The following APBA2 variants were observed in gnomAD, a reference collection of about 807,000 sequenced individuals.
APBA2 encodes amyloid beta precursor protein binding family A member 2.
Under a neutral mutation model 75.0 loss-of-function variants are expected in APBA2, and 30 were observed. The observed-to-expected ratio is 0.40, with a 90% CI of 0.30 to 0.54. The LOEUF (loss-of-function observed/expected upper bound fraction) is 0.54, where lower values mean the gene tolerates loss of function less well. Among genes scored for constraint, APBA2 ranks in the 20% least tolerant of loss-of-function variants. The pLI is 0.49. For synonymous variants in APBA2, 444 were observed against 409.6 expected (o/e 1.08, Z -1.01); for missense variants, 801 against 1,016.1 (o/e 0.79, Z 2.88).
At chr15:28,915,234 C>A (rs2033631202) in intron 1 of APBA2, among the ~76,000 whole-genome samples, 2 of 145,434 alleles carry the variant, frequency 1.4e-5, no homozygotes, top group African/African-American at 2.5e-5. Context: ...ACCACACATA[C>A]CCCATATATA....
chr15:29,055,210 A>C (rs1271052986), intron 4 of APBA2, among the ~76,000 whole-genome samples: 1 of 152,170 alleles, frequency 6.6e-6, no homozygotes, highest in East Asian at 1.9e-4. Flanking sequence ...TCAGACCAGC[A>C]GGGCAGTGGC....
intron 3 of APBA2, among the ~76,000 whole-genome samples, chr15:29,006,067 C>G (rs1287146685): frequency 6.6e-6 from 1 of 152,072 alleles, no homozygotes; most frequent in East Asian, 1.9e-4. Flanking sequence ...TAACATAGTA[C>G]TAGAAATTCT....
At chr15:29,107,366 GGCCTT>G (rs1452438210) in intron 12 of APBA2, among the ~76,000 whole-genome samples, 2 of 152,146 alleles carry the variant, frequency 1.3e-5, no homozygotes, top group Non-Finnish European at 2.9e-5. Context: ...CTAGGGTGGG[GGCCTT>G]CACACTGGCC....
chr15:28,894,087 C>T (rs2030475041), intron 1 of APBA2: 1 of 152,214 alleles, frequency 6.6e-6, no homozygotes, highest in Non-Finnish European at 1.5e-5. Flanking sequence ...GTGGCTTAAT[C>T]TAATAGTGGA....
At chr15:28,913,586 C>T (rs1417592515) in intron 1 of APBA2, among the ~76,000 whole-genome samples, 1 of 152,192 alleles carries the variant, frequency 6.6e-6, no homozygotes, top group Non-Finnish European at 1.5e-5. Context: ...TGCTGACCTC[C>T]AGTCTTTCCA....
At chr15:29,059,197 C>A (rs193234113) in intron 4 of APBA2, among the ~76,000 whole-genome samples, 3 of 151,838 alleles carry the variant, frequency 2.0e-5, no homozygotes, top group Admixed American at 2.0e-4. Context: ...ATTTAATGTT[C>A]TTTGCATTTT....
At chr15:29,024,720 G>T (rs909371838) in intron 3 of APBA2, among the ~76,000 whole-genome samples, 4 of 152,194 alleles carry the variant, frequency 2.6e-5, no homozygotes, top group African/African-American at 9.7e-5. Context: ...CTTCCTGTTT[G>T]TAGGCAGGGT....
chr15:28,935,700 G>C (rs376239722), intron 2 of APBA2, among the ~76,000 whole-genome samples: 1 of 152,218 alleles, frequency 6.6e-6, no homozygotes, highest in Non-Finnish European at 1.5e-5. Context: ...GGCCAGGTCT[G>C]CATGAGGACA....
intron 4 of APBA2, among the ~76,000 whole-genome samples, chr15:29,072,612 A>G (rs188382681): frequency 6.6e-6 from 1 of 151,900 alleles, no homozygotes; most frequent in Non-Finnish European, 1.5e-5. Context: ...TGCAGGGTCT[A>G]CTGCAACAGA....
intron 9 of APBA2, among the ~76,000 whole-genome samples, chr15:29,100,262 T>C (rs950518832): frequency 6.6e-6 from 1 of 152,204 alleles, no homozygotes; most frequent in Non-Finnish European, 1.5e-5. Context: ...ACTCCAACTG[T>C]TTCCTTTCAG....
intron 2 of APBA2, among the ~76,000 whole-genome samples, chr15:28,931,267 C>T (rs1453775390): frequency 2.5e-4 from 38 of 152,214 alleles, no homozygotes; most frequent in Admixed American, 2.5e-3. Flanking sequence ...CTTACATGAA[C>T]ATCTCATCCC....
chr15:28,975,079 A>T (rs994249406), intron 2 of APBA2, among the ~76,000 whole-genome samples: 19 of 152,258 alleles, frequency 1.2e-4, no homozygotes, highest in East Asian at 3.9e-4. Context: ...GAGCATATTT[A>T]AAAAAATCAT....
At chr15:28,998,913 G>A (rs868501378) in intron 3 of APBA2, among the ~76,000 whole-genome samples, 4 of 152,346 alleles carry the variant, frequency 2.6e-5, no homozygotes, top group East Asian at 1.9e-4. Context: ...TTGGGAGGCC[G>A]AGGTGGGCAG....
intron 2 of APBA2, among the ~76,000 whole-genome samples, chr15:28,925,720 C>T (rs2034224152): frequency 6.6e-6 from 1 of 152,044 alleles, no homozygotes; most frequent in African/African-American, 2.4e-5. Flanking sequence ...AGTGAACTGT[C>T]CTTGTTGATT....
chr15:29,094,926 T>G (rs6493230), intron 8 of APBA2, among the ~76,000 whole-genome samples: 127,876 of 150,846 alleles, frequency 0.85, 57,536 homozygotes, highest in Non-Finnish European at 0.99. Flanking sequence ...AATTAGCTGG[T>G]CATGATGGCA....
chr15:28,940,914 G>C (rs1466969273), intron 2 of APBA2, among the ~76,000 whole-genome samples: 1 of 152,226 alleles, frequency 6.6e-6, no homozygotes, highest in Non-Finnish European at 1.5e-5. Flanking sequence ...AGTCCACGAG[G>C]ATAGTGTTAA....
At chr15:28,909,003 T>TC (rs1289150658) in intron 1 of APBA2, among the ~76,000 whole-genome samples, 1 of 151,106 alleles carries the variant, frequency 6.6e-6, no homozygotes, top group African/African-American at 2.4e-5. Context: ...TTTTTTTTTT[T>TC]TGAGACACTG....
intron 2 of APBA2, among the ~76,000 whole-genome samples, chr15:28,985,196 C>A (rs377309017): frequency 1.3e-5 from 2 of 152,132 alleles, no homozygotes; most frequent in East Asian, 3.9e-4. Context: ...TTCTGGGAGG[C>A]CCTGAGGCTG....
chr15:29,101,251 C>T (rs1414023444), intron 9 of APBA2, among the ~76,000 whole-genome samples: 6 of 147,930 alleles, frequency 4.1e-5, no homozygotes, highest in South Asian at 2.1e-4. Flanking sequence ...TTTTTTGAGA[C>T]GGAGTTTTGC....
Sources: gnomAD v4.1 joint callset for allele counts (sites outside exome capture counted in the v4.1 genomes callset) on GRCh38, gnomAD v4.1.1 for gene constraint, MANE v1.5 for transcripts, NCBI Gene and HGNC (gene_info 2026-07-23, HGNC 2026-07-21) for gene names.